SKIC3: variants seen among roughly 807,000 people sequenced by gnomAD.
SKIC3 encodes SKI3 subunit of superkiller complex.
the SKIC3 span, chr5:95,524,577 A>G: frequency 4.3e-6 from 7 of 1,613,588 alleles, no homozygotes; most frequent in Non-Finnish European, 5.9e-6. Context: ...ATCTTTCTCA[A>G]GAGCTCTCTG....
chr5:95,520,530 A>G, the SKIC3 span, among the ~76,000 whole-genome samples: 1 of 148,400 alleles, frequency 6.7e-6, no homozygotes, highest in Non-Finnish European at 1.5e-5. Context: ...AGAAGAAATT[A>G]TATCTGTTTC....
chr5:95,525,779 T>C, the SKIC3 span: 2 of 1,062,120 alleles, frequency 1.9e-6, no homozygotes, highest in Admixed American at 1.9e-5. Context: ...CCTAATAGAA[T>C]AAAGAAATAG....
the SKIC3 span, among the ~76,000 whole-genome samples, chr5:95,544,156 G>A: frequency 6.6e-6 from 1 of 152,154 alleles, no homozygotes; most frequent in Non-Finnish European, 1.5e-5. Flanking sequence ...TGAACACACT[G>A]ATTACACAAA....
chr5:95,505,085 T>G, the SKIC3 span, among the ~76,000 whole-genome samples: 4 of 152,262 alleles, frequency 2.6e-5, no homozygotes, highest in South Asian at 6.2e-4. Flanking sequence ...AAATAACTTG[T>G]TTTTGCCTAA....
the SKIC3 span, chr5:95,541,505 G>T: frequency 3.2e-6 from 3 of 929,360 alleles, no homozygotes; most frequent in South Asian, 4.4e-5. Context: ...TTTTAAATTA[G>T]AACATATCTT....
the SKIC3 span, among the ~76,000 whole-genome samples, chr5:95,545,385 G>A: frequency 6.6e-6 from 1 of 152,002 alleles, no homozygotes; most frequent in Non-Finnish European, 1.5e-5. Flanking sequence ...TTACTCCTTA[G>A]ACTCATCCTC....
At chr5:95,484,819 A>T in the SKIC3 span, 2 of 1,614,112 alleles carry the variant, frequency 1.2e-6, no homozygotes, top group Non-Finnish European at 1.7e-6. Context: ...GACTGGTTGT[A>T]ATTTTCAAAG....
the SKIC3 span, chr5:95,536,825 A>G: frequency 3.7e-6 from 6 of 1,612,280 alleles, no homozygotes; most frequent in South Asian, 1.1e-5. Flanking sequence ...ACCTGATTCA[A>G]TTAAATGCAA....
At chr5:95,522,335 TA>T in the SKIC3 span, 1 of 1,610,386 alleles carries the variant, frequency 6.2e-7, no homozygotes, top group Non-Finnish European at 8.5e-7. Flanking sequence ...GTAAGAGAAC[TA>T]AAAGTATGGA....
chr5:95,504,023 G>T, the SKIC3 span: 1 of 1,462,936 alleles, frequency 6.8e-7, no homozygotes, highest in Admixed American at 1.8e-5. Flanking sequence ...ATTACACTAA[G>T]TTGGGCCGGA....
chr5:95,490,956 T>C, the SKIC3 span: 1 of 1,614,128 alleles, frequency 6.2e-7, no homozygotes, highest in Non-Finnish European at 8.5e-7. Context: ...TCTATCCTCT[T>C]TGGCTGAGTG....
chr5:95,482,927 A>G, the SKIC3 span, among the ~76,000 whole-genome samples: 1 of 152,300 alleles, frequency 6.6e-6, no homozygotes, highest in East Asian at 1.9e-4. Context: ...TCTAAATGTA[A>G]GTAAATAGTT....
At chr5:95,505,820 A>C in the SKIC3 span, among the ~76,000 whole-genome samples, 1 of 151,894 alleles carries the variant, frequency 6.6e-6, no homozygotes. Context: ...CCCCCCAAAA[A>C]AAAAAAAAAG....
chr5:95,464,437 TG>T, the SKIC3 span: 1 of 579,940 alleles, frequency 1.7e-6, no homozygotes. Context: ...AAATCAGGTT[TG>T]GAGTTAACAG....
At chr5:95,509,667 G>A in the SKIC3 span, 8 of 1,613,218 alleles carry the variant, frequency 5.0e-6, no homozygotes, top group East Asian at 2.2e-5. Flanking sequence ...GTGAAAGCTG[G>A]GGCATAATTC....
the SKIC3 span, among the ~76,000 whole-genome samples, chr5:95,467,359 C>T: frequency 3.3e-5 from 5 of 152,200 alleles, no homozygotes; most frequent in African/African-American, 1.2e-4. Context: ...TAATTACTTA[C>T]AACATGCTTC....
chr5:95,522,852 C>T, the SKIC3 span, among the ~76,000 whole-genome samples: 1 of 152,062 alleles, frequency 6.6e-6, no homozygotes, highest in Non-Finnish European at 1.5e-5. Flanking sequence ...ATGAGCTGCT[C>T]CCAATGCCCT....
chr5:95,516,376 A>G, the SKIC3 span: 1 of 1,613,178 alleles, frequency 6.2e-7, no homozygotes, highest in African/African-American at 1.3e-5. Context: ...TTTGTGAGGT[A>G]TAACACTCCC....
the SKIC3 span, among the ~76,000 whole-genome samples, chr5:95,548,151 G>T: frequency 6.6e-6 from 1 of 151,944 alleles, no homozygotes; most frequent in East Asian, 1.9e-4. Context: ...TTGAAAAAAA[G>T]AAATATTTGT....
Sources: allele counts gnomAD v4.1 joint callset (sites outside exome capture counted in the v4.1 genomes callset), GRCh38; gene constraint gnomAD v4.1.1; transcripts MANE v1.5; gene names NCBI Gene and HGNC (gene_info 2026-07-23, HGNC 2026-07-21).